Variants in BACH1 observed in about 807,000 individuals in gnomAD.
The protein encoded by BACH1 is BTB domain and CNC homolog 1, also known as transcription regulator protein BACH1.
BACH1 carries 35 observed loss-of-function variants against 52.9 expected under a neutral mutation model. The ratio of observed to expected loss-of-function variants is 0.66; its 90% CI spans 0.51 to 0.88. The LOEUF is 0.88. Ranked by LOEUF, BACH1 falls within the 40% of genes least tolerant of loss-of-function variation. BACH1 has a pLI of 0.00. For synonymous variants in BACH1, 321 were observed against 319.6 expected (o/e 1.00, Z -0.05); for missense variants, 808 against 872.6 (o/e 0.93, Z 0.93).
chr21:29,351,707 G>C (rs560568327), intron 2 of BACH1: 1 of 534,730 alleles, frequency 1.9e-6, no homozygotes, highest in African/African-American at 1.9e-5. Context: ...TGCTCAGACA[G>C]CTCTGTTTCA....
chr21:29,305,387 T>C (rs2088644997), intron 1 of BACH1: 1 of 152,210 alleles, frequency 6.6e-6, no homozygotes, highest in Admixed American at 6.5e-5. Context: ...ACAAGTGCTA[T>C]TCAAACTATA....
intron 2 of BACH1, among the ~76,000 whole-genome samples, chr21:29,360,058 G>C (rs1286118576): frequency 6.6e-6 from 1 of 152,112 alleles, no homozygotes; most frequent in Non-Finnish European, 1.5e-5. Flanking sequence ...GAAACCTTTT[G>C]TCCCTTATCT....
chr21:29,360,845 CAAA>C (rs561114811), intron 2 of BACH1, among the ~76,000 whole-genome samples: 3 of 83,744 alleles, frequency 3.6e-5, no homozygotes, highest in Non-Finnish European at 2.6e-5. Context: ...GACCCTGTCT[CAAA>C]AAAAAAAAAA....
chr21:29,319,133 CTCTA>C (rs1459245724), intron 1 of BACH1, among the ~76,000 whole-genome samples: 1 of 152,192 alleles, frequency 6.6e-6, no homozygotes, highest in African/African-American at 2.4e-5. Context: ...ACGAGAGAAA[CTCTA>C]TCTAGCACTT....
intron 4 of BACH1, among the ~76,000 whole-genome samples, chr21:29,338,071 CAAT>C (rs975831564): frequency 1.3e-5 from 2 of 151,966 alleles, no homozygotes; most frequent in African/African-American, 4.8e-5. Flanking sequence ...TATAAATAAA[CAAT>C]AAAATAAAAA....
intron 4 of BACH1, among the ~76,000 whole-genome samples, chr21:29,339,267 T>A (rs1010130597): frequency 1.3e-5 from 2 of 152,244 alleles, no homozygotes; most frequent in Non-Finnish European, 2.9e-5. Flanking sequence ...GTCCACACCC[T>A]CAGTCAAGAT....
intron 2 of BACH1, chr21:29,351,847 G>A: frequency 2.2e-6 from 1 of 465,072 alleles, no homozygotes; most frequent in Non-Finnish European, 4.5e-6. Flanking sequence ...GCACTTAATG[G>A]CCTGAACTTG....
intron 1 of BACH1, among the ~76,000 whole-genome samples, chr21:29,308,121 A>G (rs970937342): frequency 5.9e-5 from 9 of 152,212 alleles, no homozygotes; most frequent in African/African-American, 1.9e-4. Flanking sequence ...AGCTTTATTT[A>G]TAGGCTGCAA....
rs114363745 is a variant in BACH1 at position 29,310,606 on chromosome 21, G to T, written c.-60-10615G>T. ...TGATCGTGTCTCCATTGTGGGTCCA[G>T]ATGTGTTCACCTAGGGAGTGTGTGC... On this transcript the variant is annotated intron_variant, in intron 1 of 4. Coordinates refer to ENST00000286800, the MANE Select transcript of BACH1 (RefSeq NM_001186.4). Among the ~76,000 whole-genome samples, 1,139 of 152,362 alleles carry T rather than the reference G, an allele frequency of 7.5e-3. 8 individuals are homozygous for T. The highest frequency in any genetic ancestry group is 0.025 in the African/African-American group (1,052 of 41,582).
rs1159847837 is a variant in BACH1 at position 29,342,295 on chromosome 21, T to G, written c.1777-104T>G. On this transcript the variant is annotated intron_variant, in intron 4 of 4. Coordinates refer to ENST00000286800, the MANE Select transcript of BACH1 (RefSeq NM_001186.4). The stretch of plus-strand genomic sequence containing the variant: ...TGGAATTGAAAGGATAAACTCCATG[T>G]GATCTTACTTGATGAGAAGCCCCTG... 5 of 1,137,552 alleles carry G rather than the reference T, an allele frequency of 4.4e-6. No individual in the cohort carries two copies. In the East Asian group the frequency reaches 7.1e-5, roughly 16 times the overall value. The allele number at this position is 1,137,552 out of a possible 1,614,324, so 70.5% of individuals were successfully genotyped here.
At chr21:29,315,219 C>T (rs2088772545) in intron 1 of BACH1, among the ~76,000 whole-genome samples, 1 of 152,092 alleles carries the variant, frequency 6.6e-6, no homozygotes, top group Non-Finnish European at 1.5e-5. Context: ...ATGTAAGGTT[C>T]ACCTAATTTC....
chr21:29,324,121 G>A (rs551126881), intron 2 of BACH1, among the ~76,000 whole-genome samples: 10 of 151,652 alleles, frequency 6.6e-5, no homozygotes, highest in Middle Eastern at 3.4e-3. Context: ...GCGTGGTGGC[G>A]GGCACCTGTA....
At position 29,345,558 on chromosome 21, in the gene BACH1, T is replaced by C. The variant is rs1456840573; in HGVS notation, c.*2725T>C. ...GCAAATAATTCGTTAAATTGTCATA[T>C]TCAAAACAAATGTGGATACAGTCTT... On this transcript the variant is annotated 3_prime_UTR_variant, in exon 5 of 5. Coordinates refer to ENST00000286800, the MANE Select transcript of BACH1 (RefSeq NM_001186.4). 1.3e-5 allele frequency: 2 copies of C among 152,486 alleles called. No individual in the cohort carries two copies. The highest frequency in any genetic ancestry group is 2.9e-5 in the Non-Finnish European group (2 of 68,022). The allele number at this position is 152,486 out of a possible 1,614,324, so 9.4% of individuals were successfully genotyped here.
In BACH1 at chr21:29,303,460, C is replaced by T. The variant is rs374503442; in HGVS notation, c.-61+4507C>T. On this transcript the variant is annotated intron_variant, in intron 1 of 4. Coordinates refer to ENST00000286800, the MANE Select transcript of BACH1 (RefSeq NM_001186.4). Reference sequence around the variant, plus strand: ...GGTATGATATGCGTTCATTCTAGTTCTGTGATTTTGAAACTTGGGAATGTT... The same window carrying T: ...GGTATGATATGCGTTCATTCTAGTTTTGTGATTTTGAAACTTGGGAATGTT... 4.7e-4 allele frequency among the ~76,000 whole-genome samples: 71 copies of T among 152,260 alleles called. 1 individual carries two copies. Among genetic ancestry groups the T allele is most frequent in the African/African-American group, 1.4e-3 (58 of 41,538 alleles).
At chr21:29,300,597 G>A (rs908362522) in intron 1 of BACH1, among the ~76,000 whole-genome samples, 1 of 152,184 alleles carries the variant, frequency 6.6e-6, no homozygotes, top group African/African-American at 2.4e-5. Context: ...AACTGGGGAA[G>A]AAATTTGCAG....
At chr21:29,347,911 A>G (rs2089179248), downstream of BACH1, among the ~76,000 whole-genome samples, 1 of 152,222 alleles carries the variant, frequency 6.6e-6, no homozygotes, top group South Asian at 2.1e-4. Context: ...AAAGTCCAGG[A>G]ATAAAATGCT....
chr21:29,356,062 AAACT>A (rs1329509174), intron 2 of BACH1, among the ~76,000 whole-genome samples: 1 of 152,256 alleles, frequency 6.6e-6, no homozygotes, highest in Non-Finnish European at 1.5e-5. Flanking sequence ...TATTTCTTGC[AAACT>A]ATCTGAGAAA....
chr21:29,348,792 G>A (rs1666765567), downstream of BACH1, among the ~76,000 whole-genome samples: 1 of 152,090 alleles, frequency 6.6e-6, no homozygotes, highest in Admixed American at 6.6e-5. Flanking sequence ...GATGGAGGAG[G>A]CGTCTTAAAT....
chr21:29,305,228 A>G (rs1271137121), intron 1 of BACH1: 1 of 150,082 alleles, frequency 6.7e-6, no homozygotes, highest in Non-Finnish European at 1.5e-5. Context: ...AGTAGAGAGC[A>G]TTTTGCCCAG....
Sources: allele counts gnomAD v4.1 joint callset (sites outside exome capture counted in the v4.1 genomes callset), GRCh38; gene constraint gnomAD v4.1.1; transcripts MANE v1.5; gene names NCBI Gene and HGNC (gene_info 2026-07-23, HGNC 2026-07-21).